BTBD9: variants seen among roughly 807,000 people sequenced by gnomAD.
BTBD9 encodes BTB domain containing 9.
In BTBD9, 49 loss-of-function variants were observed where a neutral mutation model predicts 64.3. The ratio of observed to expected loss-of-function variants is 0.76; its 90% CI spans 0.61 to 0.97. The LOEUF is 0.97. BTBD9 is among the 50% of genes least tolerant of loss of function. The pLI is 0.00. For synonymous variants in BTBD9, 260 were observed against 274.7 expected (o/e 0.95, Z 0.53); for missense variants, 598 against 762.1 (o/e 0.78, Z 2.53).
chr6:38,506,842 T>G (rs1256666526), intron 6 of BTBD9, among the ~76,000 whole-genome samples: 1 of 152,200 alleles, frequency 6.6e-6, no homozygotes, highest in Admixed American at 6.5e-5. Context: ...TTTTCCTGAA[T>G]AAAATACAAA....
intron 1 of BTBD9, among the ~76,000 whole-genome samples, chr6:38,629,909 T>C (rs1778304691): frequency 1.3e-5 from 2 of 151,958 alleles, no homozygotes; most frequent in Admixed American, 1.3e-4. Flanking sequence ...GGCACTATTC[T>C]AGATTAAAGG....
intron 6 of BTBD9, among the ~76,000 whole-genome samples, chr6:38,502,518 GA>G (rs979952389): frequency 2.0e-5 from 3 of 152,176 alleles, no homozygotes; most frequent in Admixed American, 2.0e-4. Context: ...AATGCTAAGG[GA>G]AGAGGACTCT....
intron 7 of BTBD9, among the ~76,000 whole-genome samples, chr6:38,297,745 G>T (rs1263304466): frequency 6.6e-6 from 1 of 151,116 alleles, no homozygotes; most frequent in East Asian, 1.9e-4. Context: ...CCCATTAATT[G>T]TTATTACTAA....
chr6:38,377,259 TAC>T (rs1485193275), intron 6 of BTBD9, among the ~76,000 whole-genome samples: 1 of 152,150 alleles, frequency 6.6e-6, no homozygotes, highest in Admixed American at 6.5e-5. Context: ...TGCTACCTAA[TAC>T]ATTCTTTTTG....
intron 8 of BTBD9, among the ~76,000 whole-genome samples, chr6:38,277,563 A>G (rs958732010): frequency 6.6e-6 from 1 of 151,934 alleles, no homozygotes; most frequent in South Asian, 2.1e-4. Flanking sequence ...TGAACTCCTT[A>G]CCTCAGGTGA....
chr6:38,476,222 T>C (rs540053480), intron 6 of BTBD9, among the ~76,000 whole-genome samples: 30 of 152,332 alleles, frequency 2.0e-4, no homozygotes, highest in African/African-American at 5.8e-4. Flanking sequence ...GCCAGAATCA[T>C]CTGATCACAA....
chr6:38,513,194 G>A (rs992425116), intron 6 of BTBD9, among the ~76,000 whole-genome samples: 1 of 152,126 alleles, frequency 6.6e-6, no homozygotes, highest in African/African-American at 2.4e-5. Flanking sequence ...AGTGGCTCAT[G>A]CCTATAATCC....
At chr6:38,249,277 C>T (rs1380079537) in intron 9 of BTBD9, among the ~76,000 whole-genome samples, 1 of 152,064 alleles carries the variant, frequency 6.6e-6, no homozygotes. Context: ...TTTTTTGAGA[C>T]AGGCTCTTGT....
At chr6:38,578,866 G>A (rs868767412) in intron 5 of BTBD9, among the ~76,000 whole-genome samples, 3 of 152,086 alleles carry the variant, frequency 2.0e-5, no homozygotes, top group Non-Finnish European at 2.9e-5. Flanking sequence ...TCACAGAAAC[G>A]ATGACAACCA....
chr6:38,180,673 G>A (rs904346272), intron 10 of BTBD9, among the ~76,000 whole-genome samples: 4 of 152,210 alleles, frequency 2.6e-5, no homozygotes, highest in African/African-American at 7.2e-5. Flanking sequence ...GGGCAGAGCC[G>A]CACTACTCAT....
chr6:38,419,880 A>C (rs1259907677), intron 6 of BTBD9, among the ~76,000 whole-genome samples: 2 of 149,676 alleles, frequency 1.3e-5, no homozygotes, highest in Non-Finnish European at 2.9e-5. Flanking sequence ...CAAACAAAAC[A>C]AAAAAAATAC....
At chr6:38,317,303 C>T (rs932384518) in intron 7 of BTBD9, among the ~76,000 whole-genome samples, 1 of 152,162 alleles carries the variant, frequency 6.6e-6, no homozygotes, top group Non-Finnish European at 1.5e-5. Flanking sequence ...CTTCCTTCAG[C>T]AGTTTAAACA....
At chr6:38,583,359 TGTG>T (rs1320401098) in intron 4 of BTBD9, among the ~76,000 whole-genome samples, 1 of 151,910 alleles carries the variant, frequency 6.6e-6, no homozygotes, top group African/African-American at 2.4e-5. Context: ...ATTAGCCAGG[TGTG>T]GTGGCATGAG....
intron 6 of BTBD9, among the ~76,000 whole-genome samples, chr6:38,485,127 C>A (rs1226368787): frequency 6.6e-6 from 1 of 152,196 alleles, no homozygotes; most frequent in East Asian, 1.9e-4. Flanking sequence ...ATATTCACTG[C>A]ATCTTCACCA....
At chr6:38,602,413 A>AT (rs1169451785) in intron 1 of BTBD9, among the ~76,000 whole-genome samples, 2 of 151,138 alleles carry the variant, frequency 1.3e-5, no homozygotes, top group African/African-American at 4.8e-5. Flanking sequence ...TTAGATACTA[A>AT]TGAACAAAAA....
intron 10 of BTBD9, among the ~76,000 whole-genome samples, chr6:38,182,603 G>A (rs1398053174): frequency 2.6e-5 from 4 of 152,124 alleles, no homozygotes; most frequent in East Asian, 1.9e-4. Flanking sequence ...CTGCCTGGGC[G>A]GTTCTTCACT....
intron 6 of BTBD9, among the ~76,000 whole-genome samples, chr6:38,529,133 T>A (rs1773659453): frequency 6.6e-6 from 1 of 151,790 alleles, no homozygotes; most frequent in Non-Finnish European, 1.5e-5. Context: ...TGAATGAACA[T>A]CAGCCATAGC....
At chr6:38,629,279 A>C (rs1778282077) in intron 1 of BTBD9, among the ~76,000 whole-genome samples, 1 of 152,234 alleles carries the variant, frequency 6.6e-6, no homozygotes, top group Admixed American at 6.5e-5. Flanking sequence ...CAGGATATTT[A>C]CATCCTCTCA....
At chr6:38,610,086 T>G (rs946184437) in intron 1 of BTBD9, among the ~76,000 whole-genome samples, 1 of 152,222 alleles carries the variant, frequency 6.6e-6, no homozygotes, top group African/African-American at 2.4e-5. Context: ...GTTAATAAAT[T>G]TTTTAAATGT....
Sources: allele counts gnomAD v4.1 joint callset (sites outside exome capture counted in the v4.1 genomes callset), GRCh38; gene constraint gnomAD v4.1.1; transcripts MANE v1.5; gene names NCBI Gene and HGNC (gene_info 2026-07-23, HGNC 2026-07-21).